Variants in DOCK1 observed in about 807,000 individuals in gnomAD.
DOCK1 encodes dedicator of cytokinesis protein 1.
A neutral mutation model predicts 262.7 loss-of-function variants in DOCK1; 138 were observed. The observed-to-expected ratio is 0.53, with a 90% CI of 0.46 to 0.61. The LOEUF (loss-of-function observed/expected upper bound fraction) is 0.61, where lower values mean the gene tolerates loss of function less well. Ranked by LOEUF, DOCK1 falls within the 20% of genes least tolerant of loss-of-function variation. The pLI is 0.00. For missense variants in DOCK1, 1,908 were observed against 2,370.7 expected, an observed-to-expected ratio of 0.80 and a Z score of 4.05; for synonymous variants, 866 against 867.4, an observed-to-expected ratio of 1.00 and a Z score of 0.03.
chr10:127,236,923 A>T (rs146028009), intron 27 of DOCK1, among the ~76,000 whole-genome samples: 343 of 152,288 alleles, frequency 2.3e-3, no homozygotes, highest in African/African-American at 7.9e-3. Context: ...GAGGCTCAGA[A>T]AGGTTAAATA....
intron 27 of DOCK1, among the ~76,000 whole-genome samples, chr10:127,187,880 G>A (rs1181915705): frequency 1.3e-5 from 2 of 152,256 alleles, no homozygotes; most frequent in East Asian, 3.9e-4. Flanking sequence ...TCCACTGTTT[G>A]TTTTAAATGC....
intron 29 of DOCK1, among the ~76,000 whole-genome samples, chr10:127,305,630 G>A (rs1036733378): frequency 5.3e-5 from 8 of 152,254 alleles, no homozygotes; most frequent in African/African-American, 1.9e-4. Context: ...CCAGCAGGGA[G>A]GAACAGTGAC....
At chr10:127,266,175 A>G (rs2060347422) in intron 29 of DOCK1, among the ~76,000 whole-genome samples, 1 of 152,248 alleles carries the variant, frequency 6.6e-6, no homozygotes, top group South Asian at 2.1e-4. Context: ...GCACCTCTGC[A>G]TCCCAATTAA....
rs150456119 is a variant in DOCK1 at position 126,915,309 on chromosome 10, C to T, written c.46+9746C>T. Among the ~76,000 whole-genome samples the T allele has an allele frequency of 2.9e-3, 440 of 152,122 alleles. 3 individuals are homozygous for T. Among genetic ancestry groups the T allele is most frequent in the African/African-American group, 0.01 (421 of 41,514 alleles). ...CGGAAGTGATGCCAAGGACAGACGC[C>T]GCCTTTTTCCTTGGGGTGTATTTTG... On this transcript the variant is annotated intron_variant, in intron 1 of 51. Transcript: ENST00000623213.
intron 35 of DOCK1, among the ~76,000 whole-genome samples, chr10:127,378,095 G>A (rs1428501726): frequency 6.6e-6 from 1 of 152,080 alleles, no homozygotes; most frequent in African/African-American, 2.4e-5. Context: ...CACTAATGTT[G>A]CTGAGTGTCA....
intron 29 of DOCK1, among the ~76,000 whole-genome samples, chr10:127,333,065 G>A (rs1397528863): frequency 6.6e-6 from 1 of 151,450 alleles, no homozygotes; most frequent in Non-Finnish European, 1.5e-5. Flanking sequence ...CTGCAGGGAT[G>A]GAGGAATGTG....
intron 18 of DOCK1, among the ~76,000 whole-genome samples, chr10:127,036,205 G>T (rs1270754608): frequency 6.6e-6 from 1 of 152,154 alleles, no homozygotes; most frequent in African/African-American, 2.4e-5. Flanking sequence ...GTTCAGATGA[G>T]AACACTGAGG....
intron 23 of DOCK1, among the ~76,000 whole-genome samples, chr10:127,068,317 T>C (rs1345736768): frequency 7.2e-5 from 11 of 152,194 alleles, no homozygotes; most frequent in Admixed American, 7.2e-4. Flanking sequence ...AACTTTACTG[T>C]CCTCAGAACA....
chr10:127,358,218 G>A (rs7099170), intron 32 of DOCK1, among the ~76,000 whole-genome samples: 30,609 of 152,002 alleles, frequency 0.2, 3,291 homozygotes, highest in Middle Eastern at 0.34. Context: ...ATAGAGAGGA[G>A]CATCTCAGCT....
At chr10:126,981,672 T>C (rs543668896) in intron 3 of DOCK1, among the ~76,000 whole-genome samples, 2 of 152,236 alleles carry the variant, frequency 1.3e-5, no homozygotes, top group Admixed American at 6.5e-5. Flanking sequence ...ATTGCCTGTA[T>C]CTTTGTGGAC....
At chr10:127,171,994 C>T (rs868595835) in intron 27 of DOCK1, among the ~76,000 whole-genome samples, 6 of 152,198 alleles carry the variant, frequency 3.9e-5, no homozygotes, top group Admixed American at 2.0e-4. Flanking sequence ...CATGATCCAC[C>T]GTGCCCGGCC....
At chr10:127,055,910 T>C (rs2045109384) in intron 22 of DOCK1, among the ~76,000 whole-genome samples, 1 of 152,176 alleles carries the variant, frequency 6.6e-6, no homozygotes, top group African/African-American at 2.4e-5. Context: ...ATTCTGGTGC[T>C]CAACAGCATG....
intron 29 of DOCK1, among the ~76,000 whole-genome samples, chr10:127,301,763 T>C (rs370155341): frequency 6.6e-6 from 1 of 152,094 alleles, no homozygotes; most frequent in South Asian, 2.1e-4. Flanking sequence ...CTAGCCAATA[T>C]GGCAAAACCC....
rs962626221 is a variant in DOCK1, at chr10:126,931,674, G to A, written c.46+26111G>A. Among the ~76,000 whole-genome samples, 4 of 152,174 alleles carry A rather than the reference G, an allele frequency of 2.6e-5. No individual in the cohort carries two copies. In the South Asian group the frequency reaches 6.2e-4, roughly 24 times the overall value. ...GCTCCACATTCCCATGTATTTCAGG[G>A]AAGCCATTCTGAAGCGGGAGGTGGT... On this transcript the variant is annotated intron_variant, in intron 1 of 51. Transcript: ENST00000623213.
chr10:127,092,726 G>T (rs867159457), intron 23 of DOCK1, among the ~76,000 whole-genome samples: 6 of 152,038 alleles, frequency 3.9e-5, no homozygotes, highest in Non-Finnish European at 7.4e-5. Context: ...CAAGTGATCC[G>T]CCTGCCTCAG....
intron 29 of DOCK1, among the ~76,000 whole-genome samples, chr10:127,293,806 A>G (rs1012458219): frequency 1.4e-4 from 22 of 152,236 alleles, no homozygotes; most frequent in African/African-American, 5.3e-4. Flanking sequence ...TGAGGAAATC[A>G]AAAAGAAACC....
chr10:127,186,846 C>A (rs1471297503), intron 27 of DOCK1, among the ~76,000 whole-genome samples: 1 of 151,934 alleles, frequency 6.6e-6, no homozygotes, highest in Non-Finnish European at 1.5e-5. Context: ...GAGAGAAATG[C>A]ACAGACAAAC....
At chr10:127,254,672 C>G (rs2059769910) in intron 28 of DOCK1, among the ~76,000 whole-genome samples, 1 of 152,240 alleles carries the variant, frequency 6.6e-6, no homozygotes, top group South Asian at 2.1e-4. Context: ...TCCTATTTCC[C>G]TAACAATCCT....
Position 127,127,781 on chromosome 10 carries a change from A to G in DOCK1, c.2847+17A>G, listed in dbSNP as rs758659317. On this transcript the variant is annotated intron_variant, in intron 27 of 51. Transcript: ENST00000623213. ...GAACTCATTGTAAGTGCTTGGTGACATATGTTTGGATATTTAACTGGGGCT... is the reference window on the plus strand; with the variant it reads ...GAACTCATTGTAAGTGCTTGGTGACGTATGTTTGGATATTTAACTGGGGCT... 27 of 1,598,790 alleles carry G rather than the reference A, an allele frequency of 1.7e-5. No homozygotes were observed. The highest frequency in any genetic ancestry group is 2.7e-5 in the African/African-American group (2 of 74,762).
Sources: allele counts gnomAD v4.1 joint callset (sites outside exome capture counted in the v4.1 genomes callset), GRCh38; gene constraint gnomAD v4.1.1; transcripts MANE v1.5; gene names NCBI Gene and HGNC (gene_info 2026-07-23, HGNC 2026-07-21).